TAB2: variants seen among roughly 807,000 people sequenced by gnomAD.
TAB2 encodes TGF-beta activated kinase 1 (MAP3K7) binding protein 2.
A neutral mutation model predicts 65.0 loss-of-function variants in TAB2; 3 were observed. The ratio of observed to expected loss-of-function variants is 0.05; its 90% confidence interval spans 0.02 to 0.12. TAB2 has a LOEUF of 0.12. Among genes scored for constraint, TAB2 ranks in the 10% least tolerant of loss-of-function variants. The probability of loss-of-function intolerance (pLI) is 1.00; values close to 1 mark genes in which losing one functional copy is unlikely to be tolerated. For synonymous variants in TAB2, 298 were observed against 285.1 expected (o/e 1.05, Z -0.46); for missense variants, 623 against 840.3 (o/e 0.74, Z 3.20).
intron 1 of TAB2, among the ~76,000 whole-genome samples, chr6:149,226,840 G>A (rs1777290261): frequency 6.6e-6 from 1 of 152,216 alleles, no homozygotes. Context: ...AACAGACAAT[G>A]CTGGGTGCAC....
At chr6:149,292,422 C>T (rs1379715910) in intron 1 of TAB2, among the ~76,000 whole-genome samples, 1 of 152,132 alleles carries the variant, frequency 6.6e-6, no homozygotes, top group Non-Finnish European at 1.5e-5. Context: ...TAGTAAGCAA[C>T]AGATTGGCTG....
chr6:149,342,765 A>G (rs977009899), intron 1 of TAB2: 1 of 152,216 alleles, frequency 6.6e-6, no homozygotes, highest in African/African-American at 2.4e-5. Context: ...TTAATTAACA[A>G]TTTGTAAGCT....
chr6:149,284,000 C>T (rs773405920), intron 1 of TAB2, among the ~76,000 whole-genome samples: 28 of 152,166 alleles, frequency 1.8e-4, no homozygotes, highest in Non-Finnish European at 3.4e-4. Flanking sequence ...ATCCTTCCCT[C>T]CCATTTGGTT....
chr6:149,231,084 A>G (rs1320351413), intron 1 of TAB2, among the ~76,000 whole-genome samples: 1 of 152,228 alleles, frequency 6.6e-6, no homozygotes, highest in Non-Finnish European at 1.5e-5. Flanking sequence ...CTCTGCCTTC[A>G]GGATACCTAC....
rs1400410255 is a variant in TAB2, at chr6:149,242,594, G to T, written c.-121+23818G>T. Among the ~76,000 whole-genome samples, 3 of 152,160 alleles carry T rather than the reference G, an allele frequency of 2.0e-5. No individual in the cohort carries two copies. The East Asian group carries it at 5.8e-4, about 29-fold the overall frequency. ...AGGTTGAGCTTCCAAAAATGGAAATGCCCCAGAATGTATGGTTTAAGAGAA... is the reference window on the plus strand; with the variant it reads ...AGGTTGAGCTTCCAAAAATGGAAATTCCCCAGAATGTATGGTTTAAGAGAA... On this transcript the variant is annotated intron_variant, in intron 1 of 1. Coordinates refer to the TAB2 transcript ENST00000606202.
At chr6:149,301,285 C>T (rs1187790254) in intron 1 of TAB2, among the ~76,000 whole-genome samples, 1 of 152,208 alleles carries the variant, frequency 6.6e-6, no homozygotes, top group African/African-American at 2.4e-5. Flanking sequence ...TGTCCACCAG[C>T]AGACAGTAAC....
intron 3 of TAB2, among the ~76,000 whole-genome samples, chr6:149,383,992 C>G (rs981527647): frequency 6.6e-6 from 1 of 152,202 alleles, no homozygotes; most frequent in Non-Finnish European, 1.5e-5. Context: ...CACAGACACT[C>G]TCTGCAGTTA....
At chr6:149,227,447 G>A (rs1777304878) in intron 1 of TAB2, among the ~76,000 whole-genome samples, 1 of 152,148 alleles carries the variant, frequency 6.6e-6, no homozygotes, top group Admixed American at 6.5e-5. Flanking sequence ...GATACGGGCT[G>A]CAAGAGAAAG....
At chr6:149,318,724 C>T (rs1330930192) in intron 1 of TAB2, 1 of 152,294 alleles carries the variant, frequency 6.6e-6, no homozygotes, top group Non-Finnish European at 1.5e-5. Context: ...GTGGATCTTT[C>T]TGTTGCTGAT....
intron 2 of TAB2, among the ~76,000 whole-genome samples, chr6:149,372,880 T>C (rs966472119): frequency 6.6e-5 from 10 of 152,194 alleles, no homozygotes; most frequent in Admixed American, 3.3e-4. Context: ...TTGGGGCTGC[T>C]CTTCCTTTCT....
Position 149,397,938 on chromosome 6 carries a change from C to A in TAB2, c.1765-31C>A, listed in dbSNP as rs374513953. 183 of 1,597,850 alleles carry A rather than the reference C, an allele frequency of 1.1e-4. 1 individual carries two copies. The South Asian group carries it at 1.9e-3, about 17-fold the overall frequency. ...TTAACTAATGACTAAGAATTCAGTG[C>A]AAATCTTACTTACATAGAATTATTT... is the stretch of plus-strand genomic sequence containing the variant. On this transcript the variant is annotated intron_variant, in intron 4 of 6. Transcript: ENST00000637181.
At chr6:149,357,426 A>ACACAC (rs1554261730) in intron 1 of TAB2, among the ~76,000 whole-genome samples, 6 of 73,596 alleles carry the variant, frequency 8.2e-5, no homozygotes, top group African/African-American at 3.4e-4. Context: ...AAGGAGAAAA[A>ACACAC]AAAAACACAC....
intron 1 of TAB2, among the ~76,000 whole-genome samples, chr6:149,329,245 C>T (rs1583093879): frequency 1.3e-5 from 2 of 152,144 alleles, no homozygotes; most frequent in East Asian, 3.8e-4. Flanking sequence ...GAGGAAGAGG[C>T]AGGCATATAA....
At chr6:149,321,956 G>A (rs1296253846) in intron 1 of TAB2, among the ~76,000 whole-genome samples, 7 of 152,108 alleles carry the variant, frequency 4.6e-5, no homozygotes, top group African/African-American at 1.7e-4. Context: ...CATGTGTAAT[G>A]TAAAACTTTA....
At chr6:149,385,984 T>C (rs922355120) in intron 3 of TAB2, among the ~76,000 whole-genome samples, 2 of 152,192 alleles carry the variant, frequency 1.3e-5, no homozygotes, top group Non-Finnish European at 2.9e-5. Flanking sequence ...CTATTAGCAG[T>C]TACTTATCCC....
rs1781494704 is a variant in TAB2, at chr6:149,378,687, A to G, written c.772A>G (p.Thr258Ala). ...YQPSQPGPWT[T>A]CPASNPLSHT... ...GCCTTCACAGCCTGGTCCCTGGACT[A>G]CTTGTCCTGCATCTAATCCTCTGTC... is the stretch of plus-strand genomic sequence containing the variant. The change falls in exon 3 of 7, where the codon ACT (threonine) becomes GCT (alanine). Residue 258 changes from threonine to alanine, a missense_variant. Coordinates refer to ENST00000637181, the MANE Select transcript of TAB2 (RefSeq NM_001292034.3). The G allele has an allele frequency of 6.2e-7, 1 of 1,613,926 alleles. No homozygotes were observed. The highest frequency in any genetic ancestry group is 8.5e-7 in the Non-Finnish European group (1 of 1,180,012).
At position 149,379,035 on chromosome 6, in the gene TAB2, C is replaced by T. The variant is rs768394890; in HGVS notation, c.1120C>T (p.Pro374Ser). Residue 374 changes from proline (P) to serine (S), a missense_variant, in exon 3 of 7, where the codon CCA (proline) becomes TCA (serine). By Grantham distance (74) the Pro-to-Ser change is moderately conservative. Transcript: ENST00000637181. Reference protein sequence around the residue: ...QPTVYIAASPPNTDELMSRSQ... With the variant: ...QPTVYIAASPSNTDELMSRSQ... ...CACTGTTTACATAGCTGCCAGCCCC[C>T]CAAATACGGATGAGCTGATGTCCCG... 2 of 1,614,082 alleles carry T rather than the reference C, an allele frequency of 1.2e-6. No homozygotes were observed. Among genetic ancestry groups the T allele is most frequent in the African/African-American group, 1.3e-5 (1 of 74,930 alleles).
chr6:149,381,166 TTGTG>T (rs1309710390), intron 3 of TAB2, among the ~76,000 whole-genome samples: 1 of 152,202 alleles, frequency 6.6e-6, no homozygotes, highest in African/African-American at 2.4e-5. Context: ...GTGCATGTAT[TTGTG>T]TGTGTGCATT....
chr6:149,222,955 G>A (rs1046227756), intron 1 of TAB2, among the ~76,000 whole-genome samples: 1 of 152,170 alleles, frequency 6.6e-6, no homozygotes, highest in African/African-American at 2.4e-5. Context: ...AAAAAAGAGA[G>A]TATTATAAAT....
Sources: allele counts gnomAD v4.1 joint callset (sites outside exome capture counted in the v4.1 genomes callset), GRCh38; gene constraint gnomAD v4.1.1; transcripts MANE v1.5; gene names NCBI Gene and HGNC (gene_info 2026-07-23, HGNC 2026-07-21).